The following RGS7 variants were observed in gnomAD, a reference collection of about 807,000 sequenced individuals.
The protein encoded by RGS7 is regulator of G protein signaling 7.
A neutral mutation model predicts 81.1 loss-of-function variants in RGS7; 27 were observed. The observed-to-expected ratio is 0.33, with a 90% CI of 0.25 to 0.46. The LOEUF is 0.46. Ranked by LOEUF, RGS7 falls within the 20% of genes least tolerant of loss-of-function variation. RGS7 has a pLI of 1.00. For missense variants in RGS7, 396 were observed against 607.4 expected (o/e 0.65, Z 3.66); for synonymous variants, 208 against 207.7 (o/e 1.00, Z -0.01).
At chr1:240,886,678 C>T (rs1341230439) in intron 6 of RGS7, among the ~76,000 whole-genome samples, 2 of 152,080 alleles carry the variant, frequency 1.3e-5, no homozygotes, top group Admixed American at 6.6e-5. Flanking sequence ...CTAACCAATA[C>T]GAGACTGAGA....
At chr1:240,910,924 T>C (rs1671646589) in intron 6 of RGS7, among the ~76,000 whole-genome samples, 2 of 152,090 alleles carry the variant, frequency 1.3e-5, no homozygotes, top group Admixed American at 6.5e-5. Flanking sequence ...TTCTCCATGT[T>C]GGTCAGGCCA....
At chr1:240,934,045 C>T (rs531335440) in intron 5 of RGS7, among the ~76,000 whole-genome samples, 8 of 152,108 alleles carry the variant, frequency 5.3e-5, no homozygotes, top group Non-Finnish European at 1.0e-4. Context: ...CTCACTGCAA[C>T]CTTCGCCTCC....
At chr1:240,864,688 T>C (rs1167958808) in intron 9 of RGS7, among the ~76,000 whole-genome samples, 1 of 152,180 alleles carries the variant, frequency 6.6e-6, no homozygotes, top group Non-Finnish European at 1.5e-5. Context: ...GGGTCATAGA[T>C]TAGCATTAAC....
At chr1:240,787,351 G>A (rs1212128857) in intron 18 of RGS7, among the ~76,000 whole-genome samples, 1 of 152,150 alleles carries the variant, frequency 6.6e-6, no homozygotes, top group Non-Finnish European at 1.5e-5. Context: ...CTGTCATAGA[G>A]ATGCTCCTTT....
At chr1:241,245,277 C>T (rs894653455) in intron 2 of RGS7, among the ~76,000 whole-genome samples, 3 of 151,816 alleles carry the variant, frequency 2.0e-5, no homozygotes, top group Admixed American at 2.0e-4. Context: ...TCGCACTATC[C>T]CCCTAGTGCT....
chr1:241,086,071 G>A (rs1005698429), intron 3 of RGS7, among the ~76,000 whole-genome samples: 26 of 152,234 alleles, frequency 1.7e-4, no homozygotes, highest in African/African-American at 5.8e-4. Context: ...CATCTTTAGC[G>A]ACTTGATTTT....
intron 9 of RGS7, among the ~76,000 whole-genome samples, chr1:240,851,591 G>C (rs1448145799): frequency 6.6e-6 from 1 of 152,138 alleles, no homozygotes. Flanking sequence ...AGCTATTGTA[G>C]ATGATCAGAT....
intron 3 of RGS7, among the ~76,000 whole-genome samples, chr1:241,055,964 T>C (rs1195051989): frequency 1.3e-5 from 2 of 152,310 alleles, no homozygotes; most frequent in Admixed American, 6.5e-5. Context: ...TAAATCACCA[T>C]ATTAAGTTAG....
chr1:240,863,249 G>A (rs1398312528), intron 9 of RGS7, among the ~76,000 whole-genome samples: 2 of 152,088 alleles, frequency 1.3e-5, no homozygotes, highest in Non-Finnish European at 1.5e-5. Context: ...TGAGGCGGGA[G>A]GATCACTTGA....
intron 6 of RGS7, among the ~76,000 whole-genome samples, chr1:240,871,174 A>G (rs949085962): frequency 3.3e-5 from 5 of 152,216 alleles, no homozygotes; most frequent in African/African-American, 1.2e-4. Context: ...TTCACTAAAT[A>G]TGCATGATAT....
chr1:240,827,130 A>C lies in RGS7; in HGVS notation c.652T>G (p.Ser218Ala). 1 of 1,613,984 alleles carries C rather than the reference A, an allele frequency of 6.2e-7. No homozygotes were observed. Among genetic ancestry groups the C allele is most frequent in the Non-Finnish European group, 8.5e-7 (1 of 1,179,826 alleles). Residue 218 changes from serine to alanine, a missense_variant, in exon 10 of 19, where the codon TCC (serine) becomes GCC (alanine). Physicochemically the swap from Ser to Ala is moderately conservative, Grantham distance 99. Transcript: ENST00000440928. Reference sequence around the variant, plus strand: ...GTTTTGTGGGGGTTTCTCATTCTGGATGACTTCTTAATGTCCACTTCAGTT... The same window carrying C: ...GTTTTGTGGGGGTTTCTCATTCTGGCTGACTTCTTAATGTCCACTTCAGTT... The part of the protein sequence containing the change: ...NTTEVDIKKS[S>A]RMRNPHKTRK...
At chr1:241,050,516 G>A (rs2148803391) in intron 3 of RGS7, among the ~76,000 whole-genome samples, 1 of 152,252 alleles carries the variant, frequency 6.6e-6, no homozygotes, top group Non-Finnish European at 1.5e-5. Context: ...TTGTCAAAGA[G>A]GGAAGATAGT....
At chr1:241,242,952 TTTC>T in intron 2 of RGS7, among the ~76,000 whole-genome samples, 1 of 152,378 alleles carries the variant, frequency 6.6e-6, no homozygotes, top group Middle Eastern at 3.4e-3. Flanking sequence ...CTGCTGATTA[TTTC>T]TTCTGCTGGG....
intron 2 of RGS7, among the ~76,000 whole-genome samples, chr1:241,118,291 C>CCAAT (rs1408790602): frequency 6.6e-6 from 1 of 152,190 alleles, no homozygotes; most frequent in African/African-American, 2.4e-5. Context: ...AACAAACCAA[C>CCAAT]CAATCACAGT....
chr1:240,944,321 TATATATATATATG>T (rs1678222178), intron 4 of RGS7, among the ~76,000 whole-genome samples: 1 of 129,288 alleles, frequency 7.7e-6, no homozygotes, highest in African/African-American at 2.9e-5. Context: ...TATATATATA[TATATATATATATG>T]TTAGGTGCAT....
At chr1:241,312,070 T>C (rs2080567742) in intron 2 of RGS7, among the ~76,000 whole-genome samples, 1 of 152,230 alleles carries the variant, frequency 6.6e-6, no homozygotes. Flanking sequence ...ATTAGGAAAT[T>C]AAGATCAATA....
chr1:240,806,728 A>G (rs1010355907), intron 14 of RGS7, among the ~76,000 whole-genome samples: 1 of 152,070 alleles, frequency 6.6e-6, no homozygotes, highest in Non-Finnish European at 1.5e-5. Context: ...TTTGAAGGGA[A>G]TTAAAGGTGT....
chr1:241,274,204 A>T (rs143037782), intron 2 of RGS7, among the ~76,000 whole-genome samples: 103 of 152,342 alleles, frequency 6.8e-4, no homozygotes, highest in African/African-American at 2.3e-3. Flanking sequence ...CAGATAGAAA[A>T]GTTCCCACCA....
chr1:241,309,732 T>C (rs928551998), intron 2 of RGS7, among the ~76,000 whole-genome samples: 1 of 152,230 alleles, frequency 6.6e-6, no homozygotes, highest in African/African-American at 2.4e-5. Context: ...CCTGGTTTAC[T>C]GAAAATTTAG....
Sources: allele counts gnomAD v4.1 joint callset (sites outside exome capture counted in the v4.1 genomes callset), GRCh38; gene constraint gnomAD v4.1.1; transcripts MANE v1.5; gene names NCBI Gene and HGNC (gene_info 2026-07-23, HGNC 2026-07-21).